RIC3: variants seen among roughly 807,000 people sequenced by gnomAD.
The protein encoded by RIC3 is RIC3 acetylcholine receptor chaperone, also known as protein RIC-3.
In RIC3, 28 loss-of-function variants were observed where a neutral mutation model predicts 27.3. That is an observed-to-expected ratio of 1.02 (90% CI 0.76 to 1.41). The LOEUF (loss-of-function observed/expected upper bound fraction) is 1.41, where lower values mean the gene tolerates loss of function less well. Among genes scored for constraint, RIC3 ranks in the 40% most tolerant of loss-of-function variants. The pLI, the probability that RIC3 is intolerant of heterozygous loss-of-function variation, is 0.00. For synonymous variants in RIC3, 184 were observed against 160.4 expected (o/e 1.15, Z -1.11); for missense variants, 501 against 444.7 (o/e 1.13, Z -1.14).
chr11:8,128,077 G>A (rs1424227970), intron 4 of RIC3: 2 of 383,684 alleles, frequency 5.2e-6, no homozygotes, highest in African/African-American at 2.1e-5. Flanking sequence ...TACTTACAGG[G>A]CCTCTGATAG....
In RIC3 at chr11:8,108,904, C is replaced by T. The variant is rs973189457; in HGVS notation, c.*1794G>A. The T allele has an allele frequency of 6.6e-6, 1 of 152,186 alleles. No homozygotes were observed. The highest frequency in any genetic ancestry group is 2.4e-5 in the African/African-American group (1 of 41,444). The allele number at this position is 152,186 out of a possible 1,614,324, so 9.4% of individuals were successfully genotyped here. A position where few individuals can be genotyped will look rare whatever the true frequency, so the allele number is the denominator to read the frequency against. Reference sequence around the variant, plus strand: ...CCCAGGGCTCTCCTCATGAATCAACCCCTCACAGTGAACGAAGGGAAATAA... The same window carrying T: ...CCCAGGGCTCTCCTCATGAATCAACTCCTCACAGTGAACGAAGGGAAATAA... On this transcript the variant is annotated 3_prime_UTR_variant, in exon 6 of 6. Transcript: ENST00000309737.
At chr11:8,157,376 A>G (rs1012156356) in intron 1 of RIC3, among the ~76,000 whole-genome samples, 1 of 152,210 alleles carries the variant, frequency 6.6e-6, no homozygotes, top group African/African-American at 2.4e-5. Context: ...AGAGTAAAGT[A>G]CCACATCCTT....
At chr11:8,165,145 C>T (rs186693652) in intron 1 of RIC3, among the ~76,000 whole-genome samples, 138 of 152,288 alleles carry the variant, frequency 9.1e-4, no homozygotes, top group Non-Finnish European at 1.5e-3. Context: ...AGAAATTCCA[C>T]GCTTAGTTCC....
At chr11:8,101,629 C>A (rs745398296), downstream of RIC3, 1 of 1,613,918 alleles carries the variant, frequency 6.2e-7, no homozygotes, top group Non-Finnish European at 8.5e-7. Flanking sequence ...GAGGCCTCTT[C>A]GTGCCCTTTG....
At chr11:8,137,326 A>C (rs1590218241) in intron 4 of RIC3, 52 bp downstream of exon 4, 36 of 1,548,112 alleles carry the variant, frequency 2.3e-5, no homozygotes, top group Non-Finnish European at 3.1e-5. Flanking sequence ...ACCCAGCCTG[A>C]ATTTATTTTC....
At chr11:8,137,088 A>G (rs939856035) in intron 4 of RIC3, among the ~76,000 whole-genome samples, 82 of 152,252 alleles carry the variant, frequency 5.4e-4, no homozygotes, top group African/African-American at 2.0e-3. Flanking sequence ...GCAAGGGCAC[A>G]ATCTTGGCTC....
At chr11:8,166,388 G>A (rs1050179669) in intron 1 of RIC3, among the ~76,000 whole-genome samples, 1 of 152,186 alleles carries the variant, frequency 6.6e-6, no homozygotes, top group Non-Finnish European at 1.5e-5. Context: ...TGTGGAAAGG[G>A]AACTGTGCTT....
At chr11:8,095,641 C>G in the RIC3 span, 1 of 1,605,950 alleles carries the variant, frequency 6.2e-7, no homozygotes, top group Non-Finnish European at 8.5e-7. Flanking sequence ...CGGGCAGGAT[C>G]TCCGTGCCAC....
chr11:8,094,166 A>G, the RIC3 span: 5 of 1,613,540 alleles, frequency 3.1e-6, no homozygotes, highest in African/African-American at 5.3e-5. Flanking sequence ...GCCGCTAGGA[A>G]GGAGAAGAAG....
chr11:8,158,857 C>T (rs543178267), intron 1 of RIC3, among the ~76,000 whole-genome samples: 71 of 104,516 alleles, frequency 6.8e-4, no homozygotes, highest in Middle Eastern at 5.4e-3. Flanking sequence ...CTCAGCCTCC[C>T]GAATAGCTGG....
intron 1 of RIC3, among the ~76,000 whole-genome samples, chr11:8,165,766 GTTTT>G (rs1169873326): frequency 5.6e-5 from 7 of 124,018 alleles, no homozygotes; most frequent in African/African-American, 2.0e-4. Context: ...GTTTTTTGGG[GTTTT>G]TTTTTTGTTT....
At chr11:8,095,845 A>G in the RIC3 span, among the ~76,000 whole-genome samples, 1 of 152,264 alleles carries the variant, frequency 6.6e-6, no homozygotes, top group African/African-American at 2.4e-5. Context: ...CTAAGGCCCC[A>G]GGGAGGCCCT....
chr11:8,166,091 T>G (rs868044047), intron 1 of RIC3, among the ~76,000 whole-genome samples: 1 of 152,224 alleles, frequency 6.6e-6, no homozygotes, highest in African/African-American at 2.4e-5. Context: ...ACCTGGTTTA[T>G]GAAACCCTTC....
At chr11:8,167,896 C>T (rs1951858709) in intron 1 of RIC3, among the ~76,000 whole-genome samples, 1 of 152,202 alleles carries the variant, frequency 6.6e-6, no homozygotes, top group Non-Finnish European at 1.5e-5. Context: ...ACCTGCCCTC[C>T]ACCCCTAAAG....
At chr11:8,138,482 G>T in intron 2 of RIC3, 135 bp from the exon 3 acceptor site, 114 of 457,594 alleles carry the variant, frequency 2.5e-4, no homozygotes, top group Non-Finnish European at 2.8e-4. Flanking sequence ...CAACACTAGA[G>T]AAATAGCTCA....
rs976740627 is a variant in RIC3, at chr11:8,110,536, G to A, written c.*162C>T. ...GTCCGTGTTTTACAAGGTGACAGGT[G>A]TGTGAGCACCAGGAAGGATACATGA... On this transcript the variant is annotated 3_prime_UTR_variant, in exon 6 of 6. Transcript: ENST00000309737. 1.4e-5 allele frequency: 10 copies of A among 723,438 alleles called. No individual in the cohort carries two copies. The highest frequency in any genetic ancestry group is 8.7e-5 in the African/African-American group (5 of 57,776). 44.8% of individuals were successfully genotyped at this position (723,438 alleles called of 1,614,324 possible).
chr11:8,138,585 T>G, intron 2 of RIC3: 2 of 462,364 alleles, frequency 4.3e-6, no homozygotes, highest in Non-Finnish European at 7.5e-6. Context: ...TCAAAGAGAC[T>G]TTACTCCCCA....
intron 1 of RIC3, among the ~76,000 whole-genome samples, chr11:8,167,119 A>C (rs1337948622): frequency 1.3e-5 from 2 of 152,196 alleles, no homozygotes; most frequent in Non-Finnish European, 2.9e-5. Flanking sequence ...TCAAAAACAG[A>C]ATTTACAGTA....
chr11:8,132,507 A>C (rs895528189), intron 4 of RIC3, among the ~76,000 whole-genome samples: 1 of 152,180 alleles, frequency 6.6e-6, no homozygotes, highest in African/African-American at 2.4e-5. Flanking sequence ...TGAGTTAAAC[A>C]CTGTGCTTAA....
Sources: gnomAD v4.1 joint callset for allele counts (sites outside exome capture counted in the v4.1 genomes callset) on GRCh38, gnomAD v4.1.1 for gene constraint, MANE v1.5 for transcripts, NCBI Gene and HGNC (gene_info 2026-07-23, HGNC 2026-07-21) for gene names.